The following NAALADL2 variants were observed in gnomAD, a reference collection of about 807,000 sequenced individuals.
NAALADL2 encodes the protein inactive N-acetylated-alpha-linked acidic dipeptidase-like protein 2.
NAALADL2 carries 76 observed loss-of-function variants against 87.2 expected under a neutral mutation model. That is an observed-to-expected ratio of 0.87 (90% CI 0.72 to 1.05). The LOEUF is 1.05. Ranked by LOEUF, NAALADL2 falls within the 50% of genes least tolerant of loss-of-function variation. The pLI is 0.00. For missense variants in NAALADL2, 1,089 were observed against 945.8 expected (o/e 1.15, Z -1.99); for synonymous variants, 354 against 331.0 (o/e 1.07, Z -0.75).
At chr3:175,724,187 TTAAC>T (rs1482748338) in intron 11 of NAALADL2, among the ~76,000 whole-genome samples, 2 of 152,088 alleles carry the variant, frequency 1.3e-5, no homozygotes, top group Non-Finnish European at 2.9e-5. Context: ...ATCACGTGGT[TTAAC>T]TGGTCAACTA....
intron 5 of NAALADL2, among the ~76,000 whole-genome samples, chr3:175,399,725 T>G (rs991139241): frequency 2.6e-5 from 4 of 151,936 alleles, no homozygotes; most frequent in Admixed American, 6.6e-5. Flanking sequence ...GCCGACCTCC[T>G]CTCTCACCCT....
chr3:175,192,958 T>C (rs1738428534), intron 2 of NAALADL2, among the ~76,000 whole-genome samples: 2 of 151,982 alleles, frequency 1.3e-5, no homozygotes, highest in South Asian at 4.1e-4. Context: ...ATTTATGCTT[T>C]TTTTTTTCAG....
intron 3 of NAALADL2, among the ~76,000 whole-genome samples, chr3:175,247,287 C>CACACACACAT (rs3066299): frequency 3.4e-4 from 52 of 151,394 alleles, no homozygotes; most frequent in East Asian, 2.0e-3. Context: ...CACACACACA[C>CACACACACAT]ATAAAACACA....
At chr3:175,253,727 A>C (rs12633712) in intron 3 of NAALADL2, among the ~76,000 whole-genome samples, 52,947 of 152,056 alleles carry the variant, frequency 0.35, 10,098 homozygotes, top group East Asian at 0.53. Flanking sequence ...GAGCAGGTCA[A>C]AATATCAGCA....
intron 9 of NAALADL2, among the ~76,000 whole-genome samples, chr3:175,515,438 T>G (rs1297010640): frequency 6.6e-6 from 1 of 152,172 alleles, no homozygotes; most frequent in Non-Finnish European, 1.5e-5. Context: ...AATCTTATGA[T>G]TATTGATCCT....
rs547544166 is a variant in NAALADL2 at position 174,521,986 on chromosome 3, C to T, written c.-183-28583C>T. On this transcript the variant is annotated intron_variant, in intron 1 of 3. Coordinates refer to the NAALADL2 transcript ENST00000434257. ...TGGTGGCATGCACCTGTCATCCCAG[C>T]TACTTGGGAGGCTGAAGCAGGAGGA... 2.0e-5 allele frequency among the ~76,000 whole-genome samples: 3 copies of T among 152,132 alleles called. No individual in the cohort carries two copies. The East Asian group carries it at 5.8e-4, about 30-fold the overall frequency.
At chr3:175,304,242 G>T (rs760207151) in intron 4 of NAALADL2, among the ~76,000 whole-genome samples, 3 of 152,138 alleles carry the variant, frequency 2.0e-5, no homozygotes, top group Admixed American at 6.5e-5. Context: ...ATAATCAGGA[G>T]TCATAAGCTT....
At chr3:175,019,714 C>T (rs1238355860) in intron 1 of NAALADL2, among the ~76,000 whole-genome samples, 2 of 152,064 alleles carry the variant, frequency 1.3e-5, no homozygotes, top group Non-Finnish European at 2.9e-5. Flanking sequence ...AGCCTAACTA[C>T]ATCCTACTTA....
intron 10 of NAALADL2, among the ~76,000 whole-genome samples, chr3:175,608,822 T>C (rs1724156798): frequency 1.3e-5 from 2 of 152,294 alleles, no homozygotes; most frequent in South Asian, 2.1e-4. Flanking sequence ...TAATTGAAAT[T>C]GCAAATGTTA....
intron 2 of NAALADL2, among the ~76,000 whole-genome samples, chr3:175,191,770 T>C (rs1261767045): frequency 6.6e-6 from 1 of 152,218 alleles, no homozygotes; most frequent in Admixed American, 6.5e-5. Context: ...TAACAAATAT[T>C]CTCACTGATT....
At chr3:175,025,899 T>A (rs546300534) in intron 1 of NAALADL2, among the ~76,000 whole-genome samples, 3 of 152,258 alleles carry the variant, frequency 2.0e-5, no homozygotes, top group African/African-American at 7.2e-5. Flanking sequence ...AGCCTCCACC[T>A]CTCAGGCTCA....
rs1023644195 is a variant in NAALADL2, at chr3:175,229,213, C to CA, written c.546-4708dup. Among the ~76,000 whole-genome samples, 1,049 of 141,648 alleles carry CA rather than the reference C, an allele frequency of 7.4e-3. 8 individuals carry two copies. The highest frequency in any genetic ancestry group is 0.024 in the African/African-American group (929 of 38,774). The allele number at this position is 141,648 out of a possible 152,430, so 92.9% of individuals were successfully genotyped here. On this transcript the variant is annotated intron_variant, in intron 2 of 13. Coordinates refer to ENST00000454872, the MANE Select transcript of NAALADL2 (RefSeq NM_207015.3). ...GGAGGTCATAGCCTGTGTAGTAAAA[C>CA]AAAAAAAAAAGTTAAATCTCTAAAT...
At chr3:175,497,600 A>G (rs1728988366) in intron 9 of NAALADL2, among the ~76,000 whole-genome samples, 1 of 152,166 alleles carries the variant, frequency 6.6e-6, no homozygotes, top group Non-Finnish European at 1.5e-5. Flanking sequence ...AATGACTGAC[A>G]ATAGATAGAT....
At chr3:174,737,033 G>A (rs911716144) in intron 2 of NAALADL2, among the ~76,000 whole-genome samples, 6 of 152,228 alleles carry the variant, frequency 3.9e-5, no homozygotes, top group Non-Finnish European at 5.9e-5. Context: ...CTGCAGCTGT[G>A]ACTGGAAGGG....
intron 1 of NAALADL2, among the ~76,000 whole-genome samples, chr3:174,996,803 C>T (rs999318866): frequency 6.6e-6 from 1 of 152,070 alleles, no homozygotes; most frequent in African/African-American, 2.4e-5. Context: ...ACTTTTCCCT[C>T]CAAGTCCCCA....
At chr3:174,837,682 T>C (rs964418198) in intron 3 of NAALADL2, among the ~76,000 whole-genome samples, 12 of 152,090 alleles carry the variant, frequency 7.9e-5, no homozygotes, top group African/African-American at 2.9e-4. Flanking sequence ...TAATCCCAGC[T>C]ACTCGGGAGG....
At chr3:175,499,606 G>T (rs899779208) in intron 9 of NAALADL2, among the ~76,000 whole-genome samples, 3 of 151,756 alleles carry the variant, frequency 2.0e-5, no homozygotes, top group Non-Finnish European at 4.4e-5. Context: ...ATGAATTGTG[G>T]GATTTATGCG....
intron 2 of NAALADL2, among the ~76,000 whole-genome samples, chr3:174,637,829 A>C (rs1449382318): frequency 6.6e-6 from 1 of 152,128 alleles, no homozygotes; most frequent in Non-Finnish European, 1.5e-5. Flanking sequence ...TATAAAGCCA[A>C]GTCTTGATTT....
chr3:174,982,795 G>A (rs983127735), intron 1 of NAALADL2, among the ~76,000 whole-genome samples: 63 of 149,816 alleles, frequency 4.2e-4, no homozygotes, highest in African/African-American at 1.6e-3. Context: ...ATAGTAACCA[G>A]GTTAAAATTT....
Sources: gnomAD v4.1 joint callset for allele counts (sites outside exome capture counted in the v4.1 genomes callset) on GRCh38, gnomAD v4.1.1 for gene constraint, MANE v1.5 for transcripts, NCBI Gene and HGNC (gene_info 2026-07-23, HGNC 2026-07-21) for gene names.